The following GNPAT variants were observed in gnomAD, a reference collection of about 807,000 sequenced individuals.
GNPAT encodes glyceronephosphate O-acyltransferase, also known as dihydroxyacetone phosphate acyltransferase.
A neutral mutation model predicts 78.4 loss-of-function variants in GNPAT; 30 were observed. That is an observed-to-expected ratio of 0.38 (90% CI 0.29 to 0.52). The LOEUF is 0.52. GNPAT is among the 20% of genes least tolerant of loss of function. The pLI, the probability that GNPAT is intolerant of heterozygous loss-of-function variation, is 0.84. For synonymous variants in GNPAT, 271 were observed against 281.1 expected (o/e 0.96, Z 0.36); for missense variants, 714 against 812.2 (o/e 0.88, Z 1.47).
chr1:231,251,731 C>G (rs953127834), intron 2 of GNPAT, among the ~76,000 whole-genome samples: 8 of 152,188 alleles, frequency 5.3e-5, no homozygotes, highest in Non-Finnish European at 1.2e-4. Context: ...TTTTAAGGAC[C>G]GAAGCCTTGA....
At chr1:231,256,039 A>T (rs1685047182) in intron 2 of GNPAT, among the ~76,000 whole-genome samples, 1 of 152,014 alleles carries the variant, frequency 6.6e-6, no homozygotes, top group African/African-American at 2.4e-5. Context: ...TCAGGATTTT[A>T]TTCCAGCCTC....
rs1274199740 is a variant in GNPAT at position 231,272,321 on chromosome 1, A to G, written c.1532A>G (p.Tyr511Cys). 42 of 1,563,860 alleles carry G rather than the reference A, an allele frequency of 2.7e-5. No homozygotes were observed. The Admixed American group carries it at 6.5e-4, about 24-fold the overall frequency. Residue 511 changes from tyrosine to cysteine, a missense_variant, in exon 11 of 16, where the codon TAC becomes TGC. By Grantham distance (194) the Tyr-to-Cys change is radical. Transcript: ENST00000366647. ...ATGCATTTATTTCCAGAGGATGTCT[A>G]CAGTTGCTTTCGCTTCCTACGTGAT... ...MTPGFRKEDV[Y>C]SCFRFLRDVF... is the part of the protein sequence containing the mutation.
chr1:231,260,699 TA>T lies in GNPAT; in HGVS notation c.438+23del. On this transcript the variant is annotated intron_variant, in intron 3 of 15. Transcript: ENST00000366647. Reference sequence around the variant, plus strand: ...TATTCAGAAAGTGAGTATTGATTATTAAAAAAATAAAGAAATAAAAGTCTCA... The same window carrying T: ...TATTCAGAAAGTGAGTATTGATTATTAAAAAATAAAGAAATAAAAGTCTCA... The T allele has an allele frequency of 1.4e-6, 2 of 1,456,434 alleles. No individual in the cohort carries two copies. The highest frequency in any genetic ancestry group is 9.6e-7 in the Non-Finnish European group (1 of 1,042,712). 90.2% of individuals were successfully genotyped at this position (1,456,434 alleles called of 1,614,324 possible).
At chr1:231,265,619 T>C in intron 5 of GNPAT, 93 bp from the exon 6 acceptor site, 1 of 919,844 alleles carries the variant, frequency 1.1e-6, no homozygotes, top group Non-Finnish European at 1.8e-6. Context: ...TCAGGAAGCT[T>C]GGGAGGGAGC....
intron 8 of GNPAT, among the ~76,000 whole-genome samples, chr1:231,266,750 T>C (rs1047916867): frequency 2.0e-5 from 3 of 152,236 alleles, no homozygotes; most frequent in African/African-American, 7.2e-5. Flanking sequence ...AGCCAAAGTA[T>C]GTACTATTAT....
intron 1 of GNPAT, among the ~76,000 whole-genome samples, chr1:231,249,782 G>A (rs1684841178): frequency 1.3e-5 from 2 of 152,202 alleles, no homozygotes. Flanking sequence ...CTGACTCTTT[G>A]TAAGCAGTTA....
intron 2 of GNPAT, among the ~76,000 whole-genome samples, chr1:231,254,052 A>T (rs1684973819): frequency 6.6e-6 from 1 of 152,170 alleles, no homozygotes; most frequent in African/African-American, 2.4e-5. Flanking sequence ...ACCTCAGGTG[A>T]TCCGCCCACC....
intron 1 of GNPAT, among the ~76,000 whole-genome samples, chr1:231,247,321 A>G (rs1684777390): frequency 6.6e-6 from 1 of 152,210 alleles, no homozygotes; most frequent in Non-Finnish European, 1.5e-5. Flanking sequence ...TTGAGTTCAT[A>G]CTAGAAACTG....
At chr1:231,277,369 G>A (rs112081230) in intron 15 of GNPAT, 130 bp from the exon 16 acceptor site, 13 of 729,954 alleles carry the variant, frequency 1.8e-5, no homozygotes, top group African/African-American at 1.0e-4. Flanking sequence ...GTCCCCATGG[G>A]TACTGGCCAG....
At chr1:231,271,051 A>G in intron 10 of GNPAT, 51 bp downstream of exon 10, 1 of 1,601,994 alleles carries the variant, frequency 6.2e-7, no homozygotes, top group Non-Finnish European at 8.6e-7. Context: ...TGGCCATTCC[A>G]TTCCATTTAG....
Position 231,265,426 on chromosome 1 carries a change from T to G in GNPAT, c.696+6T>G. ...ATGTAAAAACTATGTTACGGGTAAA[T>G]GCAAATAATTCCCAACTACTCTTAA... is the stretch of plus-strand genomic sequence containing the variant. On this transcript the variant is annotated splice_donor_region_variant and intron_variant, in intron 5 of 15. Transcript: ENST00000366647. The G allele has an allele frequency of 6.2e-7, 1 of 1,600,144 alleles. No homozygotes were observed. Among genetic ancestry groups the G allele is most frequent in the Admixed American group, 1.7e-5 (1 of 60,010 alleles).
At position 231,260,553 on chromosome 1, in the gene GNPAT, T is replaced by C. The variant is rs773419038; in HGVS notation, c.308T>C (p.Val103Ala). The change falls in exon 3 of 16, where the codon GTG becomes GCG. Residue 103 changes from valine (V) to alanine (A), a missense_variant. Physicochemically the swap from Val to Ala is moderately conservative, Grantham distance 64. Transcript: ENST00000366647. Reference sequence around the variant, plus strand: ...TCTGTGGATGTCCTCCGAGAGGAAGTGAGTGAGATCTTAGATGAAATGAGT... The same window carrying C: ...TCTGTGGATGTCCTCCGAGAGGAAGCGAGTGAGATCTTAGATGAAATGAGT... The part of the protein sequence containing the change: ...LQSVDVLREE[V>A]SEILDEMSHK... 13 of 1,611,390 alleles carry C rather than the reference T, an allele frequency of 8.1e-6. No homozygotes were observed. The Admixed American group carries it at 1.8e-4, about 23-fold the overall frequency.
In GNPAT at chr1:231,250,724, A is replaced by G. The variant is rs79072804; in HGVS notation, c.79-237A>G. ...TTAAATTTCCCAAAGAGATACTGAC[A>G]ATGATAGCAATCAGAAATATAATAA... On this transcript the variant is annotated intron_variant, in intron 1 of 15. Transcript: ENST00000366647. Among the ~76,000 whole-genome samples, 1,700 of 152,346 alleles carry G rather than the reference A, an allele frequency of 0.011. 13 individuals are homozygous for G. The highest frequency in any genetic ancestry group is 0.016 in the Non-Finnish European group (1,097 of 68,030).
chr1:231,247,340 G>T (rs1344756388), intron 1 of GNPAT, among the ~76,000 whole-genome samples: 1 of 152,144 alleles, frequency 6.6e-6, no homozygotes, highest in Non-Finnish European at 1.5e-5. Flanking sequence ...TGGGAGTACA[G>T]AAATGTATAG....
intron 2 of GNPAT, among the ~76,000 whole-genome samples, chr1:231,253,907 G>T (rs1684967882): frequency 6.6e-6 from 1 of 152,140 alleles, no homozygotes; most frequent in Non-Finnish European, 1.5e-5. Flanking sequence ...GATTTAACTG[G>T]TCTGGGATAG....
intron 3 of GNPAT, among the ~76,000 whole-genome samples, chr1:231,261,332 A>ATT (rs111676811): frequency 1.4e-5 from 2 of 145,336 alleles, no homozygotes; most frequent in South Asian, 2.2e-4. Flanking sequence ...TTTCATGCTA[A>ATT]TTTTTTTTTT....
rs1182424004 is a variant in GNPAT at position 231,272,340 on chromosome 1, A to G, written c.1551A>G (p.Leu517=). 1 of 1,596,092 alleles carries G rather than the reference A, an allele frequency of 6.3e-7. No homozygotes were observed. The highest frequency in any genetic ancestry group is 8.6e-7 in the Non-Finnish European group (1 of 1,164,022). Residue 517 remains leucine, a synonymous_variant, in exon 11 of 16, where the codon CTA becomes CTG. Transcript: ENST00000366647. ...ATGTCTACAGTTGCTTTCGCTTCCTACGTGATGTTTTTGCAGATGAGTTCA... is the reference window on the plus strand; with the variant it reads ...ATGTCTACAGTTGCTTTCGCTTCCTGCGTGATGTTTTTGCAGATGAGTTCA... ...KEDVYSCFRF[L]RDVFADEFIF...
chr1:231,255,617 G>A (rs943867455), intron 2 of GNPAT, among the ~76,000 whole-genome samples: 1 of 151,862 alleles, frequency 6.6e-6, no homozygotes, highest in Non-Finnish European at 1.5e-5. Flanking sequence ...AAAATTTTTT[G>A]TAGGACAGGA....
At chr1:231,255,381 C>A (rs1161068754) in intron 2 of GNPAT, among the ~76,000 whole-genome samples, 1 of 152,126 alleles carries the variant, frequency 6.6e-6, no homozygotes, top group Non-Finnish European at 1.5e-5. Flanking sequence ...GTTACTATCT[C>A]TTTCTTCCCC....
Sources: gnomAD v4.1 joint callset for allele counts (sites outside exome capture counted in the v4.1 genomes callset) on GRCh38, gnomAD v4.1.1 for gene constraint, MANE v1.5 for transcripts, NCBI Gene and HGNC (gene_info 2026-07-23, HGNC 2026-07-21) for gene names.